The following SDK1 variants were observed in gnomAD, a reference collection of about 807,000 sequenced individuals.
SDK1 encodes sidekick cell adhesion molecule 1.
SDK1 carries 157 observed loss-of-function variants against 245.5 expected under a neutral mutation model. That is an observed-to-expected ratio of 0.64 (90% CI 0.56 to 0.73). SDK1 has a LOEUF of 0.73. Among genes scored for constraint, SDK1 ranks in the 30% least tolerant of loss-of-function variants. The pLI, the probability that SDK1 is intolerant of heterozygous loss-of-function variation, is 0.00. For missense variants in SDK1, 3,583 were observed against 3,002.3 expected (o/e 1.19, Z -4.52); for synonymous variants, 1,647 against 1,278.5 (o/e 1.29, Z -6.15).
At chr7:3,478,640 T>C (rs1393311380) in intron 1 of SDK1, among the ~76,000 whole-genome samples, 1 of 152,092 alleles carries the variant, frequency 6.6e-6, no homozygotes, top group Non-Finnish European at 1.5e-5. Context: ...ATTGATTTTA[T>C]TAGACTTTCC....
intron 1 of SDK1, among the ~76,000 whole-genome samples, chr7:3,572,003 T>C (rs1052434472): frequency 6.6e-6 from 1 of 152,070 alleles, no homozygotes; most frequent in Non-Finnish European, 1.5e-5. Flanking sequence ...AATCCACTTA[T>C]TGAACATGTA....
intron 1 of SDK1, among the ~76,000 whole-genome samples, chr7:3,523,237 A>G (rs891351755): frequency 6.6e-6 from 1 of 152,196 alleles, no homozygotes; most frequent in African/African-American, 2.4e-5. Context: ...GCATTTGCAA[A>G]TCATAAATTA....
chr7:3,637,419 C>T (rs1273465300), intron 2 of SDK1, among the ~76,000 whole-genome samples: 1 of 152,162 alleles, frequency 6.6e-6, no homozygotes, highest in East Asian at 1.9e-4. Flanking sequence ...TGGATATTAG[C>T]TCTTAGCTAT....
At chr7:3,971,688 T>G (rs1782499846) in intron 12 of SDK1, 120 bp downstream of exon 12, 1 of 746,858 alleles carries the variant, frequency 1.3e-6, no homozygotes, top group Non-Finnish European at 2.3e-6. Context: ...GGTCCCTGAT[T>G]ACGGTATCTT....
chr7:3,853,882 G>A (rs923476697), intron 5 of SDK1, among the ~76,000 whole-genome samples: 2 of 152,068 alleles, frequency 1.3e-5, no homozygotes, highest in African/African-American at 2.4e-5. Flanking sequence ...CCAGCTACTC[G>A]AGAAGCTGAG....
chr7:3,620,767 C>G (rs1025295486), intron 2 of SDK1, among the ~76,000 whole-genome samples: 4 of 152,136 alleles, frequency 2.6e-5, no homozygotes, highest in Admixed American at 1.3e-4. Flanking sequence ...CTCCCTGGTT[C>G]TCCTCGGTGC....
intron 4 of SDK1, among the ~76,000 whole-genome samples, chr7:3,787,188 T>A (rs10268822): frequency 4.7e-4 from 50 of 106,256 alleles, no homozygotes; most frequent in African/African-American, 1.5e-3. Flanking sequence ...ACACACACAC[T>A]CCCATACAGA....
chr7:3,321,815 TCCTTCCTTCCTTCCTC>T (rs1779819248), intron 1 of SDK1, among the ~76,000 whole-genome samples: 2 of 122,424 alleles, frequency 1.6e-5, no homozygotes, highest in Admixed American at 8.0e-5. Flanking sequence ...CTTCCTTCCT[TCCTTCCTTCCTTCCTC>T]CTTTTCTCTC....
In SDK1 at chr7:3,438,441, G is replaced by C. The variant is rs909571720; in HGVS notation, c.298+136557G>C. On this transcript the variant is annotated intron_variant, in intron 1 of 44. Coordinates refer to ENST00000404826, the MANE Select transcript of SDK1 (RefSeq NM_152744.4). ...TACATATGAGAGAAGCTTCATAAAT[G>C]TTACGTTTTCTGTGGCCGCTATTTC... 6.6e-5 allele frequency among the ~76,000 whole-genome samples: 10 copies of C among 152,278 alleles called. 1 individual carries two copies. Among genetic ancestry groups the C allele is most frequent in the Admixed American group, 5.2e-4 (8 of 15,296 alleles).
intron 1 of SDK1, among the ~76,000 whole-genome samples, chr7:3,462,992 C>G (rs991657113): frequency 1.3e-5 from 2 of 152,164 alleles, no homozygotes; most frequent in African/African-American, 4.8e-5. Flanking sequence ...TTTGGCAGCT[C>G]CCCCGTGTGT....
At chr7:4,107,848 C>G (rs1783046438) in intron 22 of SDK1, among the ~76,000 whole-genome samples, 1 of 152,172 alleles carries the variant, frequency 6.6e-6, no homozygotes, top group Non-Finnish European at 1.5e-5. Flanking sequence ...TCTCCATTAC[C>G]TGGAGGCCTG....
intron 1 of SDK1, among the ~76,000 whole-genome samples, chr7:3,315,402 TTTGA>T (rs1779639974): frequency 7.1e-6 from 1 of 141,808 alleles, no homozygotes; most frequent in Non-Finnish European, 1.5e-5. Context: ...GGAACTGATC[TTTGA>T]GTGCACCCCT....
chr7:3,560,668 C>T (rs1779721024), intron 1 of SDK1, among the ~76,000 whole-genome samples: 1 of 152,078 alleles, frequency 6.6e-6, no homozygotes, highest in Non-Finnish European at 1.5e-5. Flanking sequence ...CAGGTGGCAC[C>T]CTTCTCAGCA....
At position 4,150,334 on chromosome 7, in the gene SDK1, G is replaced by A. The variant is rs377342285; in HGVS notation, c.4625+871G>A. Among the ~76,000 whole-genome samples the A allele has an allele frequency of 4.6e-5, 7 of 152,284 alleles. No homozygotes were observed. In the East Asian group the frequency reaches 7.7e-4, roughly 17 times the overall value. On this transcript the variant is annotated intron_variant, in intron 30 of 44. Coordinates refer to ENST00000404826, the MANE Select transcript of SDK1 (RefSeq NM_152744.4). ...AGCTCACACTCCAGGCTGTGGAGCG[G>A]GGGTCTTGGAGTGAGTCCCTCCATG...
chr7:3,941,229 A>G (rs1780357052), intron 5 of SDK1, among the ~76,000 whole-genome samples: 1 of 151,776 alleles, frequency 6.6e-6, no homozygotes, highest in East Asian at 1.9e-4. Flanking sequence ...TCCTCCTCTT[A>G]GCAACACCCT....
In SDK1 at chr7:3,580,781, A is replaced by G. The variant is rs1158566780; in HGVS notation, c.299-38299A>G. Among the ~76,000 whole-genome samples, 3 of 151,938 alleles carry G rather than the reference A, an allele frequency of 2.0e-5. No individual in the cohort carries two copies. In the East Asian group the frequency reaches 5.8e-4, roughly 29 times the overall value. ...CAAGAGATTGAGACGATCCTGGCTA[A>G]CACCGTGAAACCCCATTTCCACTAA... On this transcript the variant is annotated intron_variant, in intron 1 of 44. Transcript: ENST00000404826.
chr7:4,022,140 G>A (rs1034029819), intron 17 of SDK1, among the ~76,000 whole-genome samples: 4 of 152,332 alleles, frequency 2.6e-5, no homozygotes, highest in East Asian at 3.9e-4. Context: ...TAATTAAAAC[G>A]CCTGTAAACT....
intron 1 of SDK1, among the ~76,000 whole-genome samples, chr7:3,364,504 G>A (rs558286663): frequency 6.6e-6 from 1 of 152,222 alleles, no homozygotes; most frequent in African/African-American, 2.4e-5. Context: ...CCATGGATAT[G>A]CAATTGCTCC....
chr7:3,341,506 C>CA, intron 1 of SDK1, among the ~76,000 whole-genome samples: 1 of 151,960 alleles, frequency 6.6e-6, no homozygotes, highest in Admixed American at 6.6e-5. Flanking sequence ...ATATCCAGAC[C>CA]AAAAAGGAGG....
Sources: gnomAD v4.1 joint callset for allele counts (sites outside exome capture counted in the v4.1 genomes callset) on GRCh38, gnomAD v4.1.1 for gene constraint, MANE v1.5 for transcripts, NCBI Gene and HGNC (gene_info 2026-07-23, HGNC 2026-07-21) for gene names.